Variants in SH3RF2 observed in about 807,000 individuals in gnomAD.
SH3RF2 encodes the protein E3 ubiquitin-protein ligase SH3RF2.
In SH3RF2, 43 loss-of-function variants were observed where a neutral mutation model predicts 59.0. That is an observed-to-expected ratio of 0.73 (90% CI 0.57 to 0.94). The LOEUF (loss-of-function observed/expected upper bound fraction) is 0.94. Among genes scored for constraint, SH3RF2 ranks in the 40% least tolerant of loss-of-function variants. The probability of loss-of-function intolerance (pLI) is 0.00; values close to 1 mark genes in which losing one functional copy is unlikely to be tolerated. For missense variants in SH3RF2, 930 were observed against 940.1 expected (o/e 0.99, Z 0.14); for synonymous variants, 391 against 391.5 (o/e 1.00, Z 0.01).
intron 5 of SH3RF2, among the ~76,000 whole-genome samples, chr5:146,019,085 C>A (rs1351266060): frequency 2.0e-5 from 3 of 152,120 alleles, no homozygotes; most frequent in Admixed American, 2.0e-4. Context: ...ATGATTATTT[C>A]TTCTGCTGTG....
chr5:145,945,893 T>A (rs1757991686), intron 2 of SH3RF2, among the ~76,000 whole-genome samples: 1 of 152,112 alleles, frequency 6.6e-6, no homozygotes, highest in Admixed American at 6.6e-5. Flanking sequence ...TTATCTCTAC[T>A]CCAAGCAGGT....
chr5:146,035,296 A>G (rs1007806796), intron 5 of SH3RF2, among the ~76,000 whole-genome samples: 6 of 152,178 alleles, frequency 3.9e-5, no homozygotes, highest in African/African-American at 1.4e-4. Flanking sequence ...TGAACTTGAC[A>G]TTGCTAAATT....
At chr5:146,041,040 C>T (rs931774197) in intron 5 of SH3RF2, among the ~76,000 whole-genome samples, 6 of 152,196 alleles carry the variant, frequency 3.9e-5, no homozygotes, top group Non-Finnish European at 2.9e-5. Context: ...ACACTGAGAT[C>T]TGGACATGTT....
intron 2 of SH3RF2, among the ~76,000 whole-genome samples, chr5:145,985,135 A>C (rs773781809): frequency 3.3e-5 from 5 of 151,998 alleles, no homozygotes; most frequent in Non-Finnish European, 7.4e-5. Flanking sequence ...CAGCCTGGAC[A>C]ACAGAGCAAG....
At chr5:146,042,332 G>A (rs572849928) in intron 5 of SH3RF2, among the ~76,000 whole-genome samples, 8 of 152,226 alleles carry the variant, frequency 5.3e-5, no homozygotes, top group Admixed American at 4.6e-4. Context: ...ACCCTATGCA[G>A]TAACTAATCT....
intron 2 of SH3RF2, among the ~76,000 whole-genome samples, chr5:145,977,676 G>A (rs1759346914): frequency 6.6e-6 from 1 of 152,210 alleles, no homozygotes; most frequent in East Asian, 1.9e-4. Flanking sequence ...TTGCTGAGAT[G>A]TCACAGCTAG....
intron 9 of SH3RF2, among the ~76,000 whole-genome samples, chr5:146,061,670 G>C (rs963471675): frequency 1.3e-5 from 2 of 152,154 alleles, no homozygotes; most frequent in African/African-American, 4.8e-5. Flanking sequence ...GTGCCTAGCA[G>C]ATATATAACA....
chr5:146,072,168 A>G (rs4913061), intron 9 of SH3RF2, among the ~76,000 whole-genome samples: 35,169 of 152,156 alleles, frequency 0.23, 4,959 homozygotes, highest in Admixed American at 0.34. Flanking sequence ...TCTGACCTTG[A>G]ACCAAGTTAA....
intron 4 of SH3RF2, among the ~76,000 whole-genome samples, chr5:146,010,429 T>C (rs188831990): frequency 6.6e-6 from 1 of 152,186 alleles, no homozygotes; most frequent in Non-Finnish European, 1.5e-5. Flanking sequence ...GTATTTCTAG[T>C]TCTAGATCCT....
intron 2 of SH3RF2, among the ~76,000 whole-genome samples, chr5:145,940,254 G>T (rs1046919870): frequency 2.0e-5 from 3 of 152,196 alleles, no homozygotes; most frequent in African/African-American, 7.2e-5. Context: ...CTCTGCAAGA[G>T]AGCAGAGCTG....
intron 5 of SH3RF2, among the ~76,000 whole-genome samples, chr5:146,015,836 CT>C (rs1386201343): frequency 1.3e-5 from 2 of 152,196 alleles, no homozygotes; most frequent in Admixed American, 1.3e-4. Context: ...TCACAGCAGC[CT>C]TTTCTCCATT....
chr5:146,019,370 C>A (rs148796618), intron 5 of SH3RF2, among the ~76,000 whole-genome samples: 2 of 152,034 alleles, frequency 1.3e-5, no homozygotes, highest in Non-Finnish European at 2.9e-5. Flanking sequence ...ATAGGATGTC[C>A]TTTCCTCAGT....
At chr5:146,010,110 T>G (rs1003481731) in intron 4 of SH3RF2, among the ~76,000 whole-genome samples, 8 of 151,230 alleles carry the variant, frequency 5.3e-5, no homozygotes, top group African/African-American at 9.7e-5. Flanking sequence ...TTCCCACCTA[T>G]GAGTGAGAAC....
chr5:145,955,735 T>A (rs1374544705), intron 2 of SH3RF2, among the ~76,000 whole-genome samples: 1 of 152,230 alleles, frequency 6.6e-6, no homozygotes, highest in African/African-American at 2.4e-5. Context: ...ATGTTTTATC[T>A]ACCATAGATG....
chr5:146,023,807 T>A (rs1404719915), intron 5 of SH3RF2, among the ~76,000 whole-genome samples: 2 of 152,220 alleles, frequency 1.3e-5, no homozygotes, highest in Non-Finnish European at 2.9e-5. Context: ...ACTTTCTGTC[T>A]TTATAGATTT....
At chr5:146,053,077 C>T (rs1273004182) in intron 7 of SH3RF2, among the ~76,000 whole-genome samples, 1 of 152,198 alleles carries the variant, frequency 6.6e-6, no homozygotes, top group Non-Finnish European at 1.5e-5. Context: ...ACCTAATGAA[C>T]TGAGCCACCC....
chr5:145,963,273 TGG>T, intron 2 of SH3RF2, among the ~76,000 whole-genome samples: 1 of 151,396 alleles, frequency 6.6e-6, no homozygotes, highest in African/African-American at 2.4e-5. Context: ...GATGGATGGA[TGG>T]ATGGATGGAT....
chr5:145,993,706 A>G (rs1470062949), intron 2 of SH3RF2, among the ~76,000 whole-genome samples: 1 of 152,228 alleles, frequency 6.6e-6, no homozygotes, highest in Non-Finnish European at 1.5e-5. Context: ...TGAACACAGC[A>G]CGGGGACCCT....
intron 9 of SH3RF2, among the ~76,000 whole-genome samples, chr5:146,075,847 G>A (rs968956474): frequency 6.7e-6 from 1 of 148,956 alleles, no homozygotes; most frequent in Non-Finnish European, 1.5e-5. Flanking sequence ...GGGTTTTGGT[G>A]ATGTTTTTGT....
Sources: allele counts gnomAD v4.1 joint callset (sites outside exome capture counted in the v4.1 genomes callset), GRCh38; gene constraint gnomAD v4.1.1; transcripts MANE v1.5; gene names NCBI Gene and HGNC (gene_info 2026-07-23, HGNC 2026-07-21).